FOXP4: variants seen among roughly 807,000 people sequenced by gnomAD.
FOXP4 encodes forkhead box P4, also known as forkhead box protein P4.
A neutral mutation model predicts 82.6 loss-of-function variants in FOXP4; 25 were observed. The ratio of observed to expected loss-of-function variants is 0.30; its 90% confidence interval spans 0.22 to 0.42. FOXP4 has a LOEUF of 0.42. FOXP4 is among the 10% of genes least tolerant of loss of function. The pLI, the probability that FOXP4 is intolerant of heterozygous loss-of-function variation, is 1.00. For synonymous variants in FOXP4, 415 were observed against 388.2 expected (o/e 1.07, Z -0.81); for missense variants, 785 against 900.9 (o/e 0.87, Z 1.65).
At chr6:41,547,567 A>G (rs1763718997) in intron 1 of FOXP4, 1 of 152,408 alleles carries the variant, frequency 6.6e-6, no homozygotes. Context: ...GCTCGGGGAT[A>G]GAGCGGAAAA....
intron 2 of FOXP4, among the ~76,000 whole-genome samples, chr6:41,571,814 A>G (rs1765216345): frequency 6.6e-6 from 1 of 151,830 alleles, no homozygotes; most frequent in Non-Finnish European, 1.5e-5. Context: ...GCTGGTCAAG[A>G]ACTTTCCTCC....
At chr6:41,589,609 C>G (rs73733286) in intron 9 of FOXP4, among the ~76,000 whole-genome samples, 162 bp from the exon 10 acceptor site, 3,051 of 152,234 alleles carry the variant, frequency 0.02, 106 homozygotes, top group African/African-American at 0.07. Context: ...TTGCTGAGGC[C>G]TCCCTGGAGC....
chr6:41,588,624 C>CT lies in FOXP4; in HGVS notation c.978-19dup. On this transcript the variant is annotated intron_variant, in intron 8 of 16. Coordinates refer to ENST00000307972, the MANE Select transcript of FOXP4 (RefSeq NM_001012426.2). ...GGGAAACCGGAGCCAACTTTCTCTC[C>CT]TCCTCTCTTCCCCTTGAAGACACCT... The CT allele has an allele frequency of 6.2e-7, 1 of 1,613,578 alleles. No homozygotes were observed. The highest frequency in any genetic ancestry group is 8.5e-7 in the Non-Finnish European group (1 of 1,179,562).
Position 41,587,500 on chromosome 6 carries a change from C to G in FOXP4, c.860C>G (p.Ser287Cys). 6.6e-7 allele frequency: 1 copy of G among 1,521,450 alleles called. No homozygotes were observed. Among genetic ancestry groups the G allele is most frequent in the Non-Finnish European group, 8.8e-7 (1 of 1,134,442 alleles). 94.2% of individuals were successfully genotyped at this position (1,521,450 alleles called of 1,614,324 possible). Residue 287 changes from serine to cysteine, a missense_variant, in exon 7 of 17, where the codon TCT becomes TGT. Physicochemically the swap from Ser to Cys is moderately radical, Grantham distance 112. Transcript: ENST00000307972. ...AACGGACAGCCTACTGTGCTCACAT[C>G]TCGGAGAGACAGGTACAGGGGTCCA... ...LPNGQPTVLT[S>C]RRDSSSHEET...
chr6:41,560,857 G>T (rs374280860), intron 1 of FOXP4, among the ~76,000 whole-genome samples: 222 of 152,356 alleles, frequency 1.5e-3, no homozygotes, highest in African/African-American at 5.0e-3. Flanking sequence ...CGCCATATGG[G>T]CCCGTGAAAA....
chr6:41,588,829 A>C, intron 9 of FOXP4, 98 bp downstream of exon 9: 49 of 1,333,868 alleles, frequency 3.7e-5, no homozygotes, highest in Non-Finnish European at 4.4e-5. Flanking sequence ...GGAGGGTCTC[A>C]TGGAAGGGTC....
In FOXP4 at chr6:41,569,989, A is replaced by G. The variant is rs527592600; in HGVS notation, c.204+4025A>G. 3.6e-3 allele frequency among the ~76,000 whole-genome samples: 550 copies of G among 151,860 alleles called. 2 individuals carry two copies. The highest frequency in any genetic ancestry group is 5.6e-3 in the Non-Finnish European group (381 of 67,944). The stretch of plus-strand genomic sequence containing the variant: ...GATTTTTCTTTCCTTTTCCTCCCCC[A>G]TCTGGGCCTCCTCTGCCCAAGCTAC... On this transcript the variant is annotated intron_variant, in intron 2 of 16. Transcript: ENST00000307972.
rs1475123953 is a variant in FOXP4 at position 41,562,868 on chromosome 6, G to A, written c.-16-2877G>A. ...GAGGCCCAGGCCCAAGTGGGGGAAG[G>A]TGCTGCTGGCTGGGTGGTTTCAGGG... On this transcript the variant is annotated intron_variant, in intron 1 of 16. Coordinates refer to ENST00000307972, the MANE Select transcript of FOXP4 (RefSeq NM_001012426.2). Among the ~76,000 whole-genome samples the A allele has an allele frequency of 7.9e-5, 12 of 152,350 alleles. No individual in the cohort carries two copies. In the East Asian group the frequency reaches 1.9e-3, roughly 25 times the overall value.
At chr6:41,576,673 T>G (rs1375627917) in intron 2 of FOXP4, among the ~76,000 whole-genome samples, 1 of 152,162 alleles carries the variant, frequency 6.6e-6, no homozygotes, top group Non-Finnish European at 1.5e-5. Context: ...GAGTGAATAC[T>G]TCCCGAATGC....
chr6:41,554,376 G>C (rs1178338871), intron 1 of FOXP4, among the ~76,000 whole-genome samples: 2 of 152,332 alleles, frequency 1.3e-5, no homozygotes, highest in African/African-American at 4.8e-5. Context: ...TCAACACTGA[G>C]CCTGCATTTC....
rs555990982 is a variant in FOXP4 at position 41,590,186 on chromosome 6, G to A, written c.1357+16G>A. The stretch of plus-strand genomic sequence containing the variant: ...ATCTCCTCAGGTGAGGGTGGGCTGG[G>A]GGCTGCAGGGCGACAGCAGCGTGAG... On this transcript the variant is annotated intron_variant, in intron 11 of 16. Coordinates refer to ENST00000307972, the MANE Select transcript of FOXP4 (RefSeq NM_001012426.2). 7 of 1,604,966 alleles carry A rather than the reference G, an allele frequency of 4.4e-6. No homozygotes were observed. The South Asian group carries it at 7.8e-5, about 18-fold the overall frequency.
At position 41,601,752 on chromosome 6, in the gene FOXP4, A is replaced by C. The variant is rs552261205; in HGVS notation, c.*2816A>C. 6.6e-6 allele frequency: 1 copy of C among 152,566 alleles called. No individual in the cohort carries two copies. Among genetic ancestry groups the C allele is most frequent in the African/African-American group, 2.4e-5 (1 of 41,592 alleles). 9.5% of individuals were successfully genotyped at this position (152,566 alleles called of 1,614,324 possible). On this transcript the variant is annotated 3_prime_UTR_variant, in exon 17 of 17. Transcript: ENST00000307972. ...CAGCCTCCCAAAGTGCTGGGATTAC[A>C]GGCGTGAGCCACTGCACCCGGCTCT...
At chr6:41,555,010 G>A (rs1455651645) in intron 1 of FOXP4, among the ~76,000 whole-genome samples, 1 of 152,170 alleles carries the variant, frequency 6.6e-6, no homozygotes, top group African/African-American at 2.4e-5. Context: ...CCCAGCACTT[G>A]GGAGGCCAAA....
intron 2 of FOXP4, among the ~76,000 whole-genome samples, chr6:41,567,853 A>T (rs948288044): frequency 2.6e-5 from 4 of 152,164 alleles, no homozygotes; most frequent in Non-Finnish European, 5.9e-5. Context: ...GGAAAATCCT[A>T]TATCTGTTTC....
chr6:41,590,042 A>AC lies in FOXP4; in HGVS notation c.1235dup (p.Thr413AspfsTer32), dbSNP rs749833966. On this transcript the variant is annotated frameshift_variant, in exon 11 of 17. Transcript: ENST00000307972. LOFTEE classifies it high-confidence loss of function. ...GACTCATTCCCAGATGGTCTCGTGCACCCCCCGACCTCGGCCGCAGCCCCT... is the reference window on the plus strand; with the variant it reads ...GACTCATTCCCAGATGGTCTCGTGCACCCCCCCGACCTCGGCCGCAGCCCCT... The AC allele has an allele frequency of 1.2e-6, 2 of 1,613,308 alleles. No homozygotes were observed.
chr6:41,559,977 T>C (rs770022014), intron 1 of FOXP4, among the ~76,000 whole-genome samples: 2 of 152,234 alleles, frequency 1.3e-5, no homozygotes, highest in Non-Finnish European at 2.9e-5. Context: ...TCCGTCATTC[T>C]CATCTTCTAC....
chr6:41,560,102 A>T (rs1476976705), intron 1 of FOXP4, among the ~76,000 whole-genome samples: 2 of 152,176 alleles, frequency 1.3e-5, no homozygotes, highest in Admixed American at 6.6e-5. Context: ...TCTCCCCATT[A>T]TACAGAGAAG....
chr6:41,578,188 C>G (rs1055732541), intron 3 of FOXP4, 107 bp downstream of exon 3: 7 of 920,056 alleles, frequency 7.6e-6, no homozygotes, highest in Non-Finnish European at 1.1e-5. Context: ...GTTCCAACAC[C>G]AAAAAGTGGG....
chr6:41,589,622 G>A, intron 9 of FOXP4, 149 bp from the exon 10 acceptor site: 1 of 749,814 alleles, frequency 1.3e-6, no homozygotes, highest in Non-Finnish European at 2.2e-6. Context: ...CCTGGAGCGG[G>A]TCACAGAGGG....
Sources: gnomAD v4.1 joint callset for allele counts (sites outside exome capture counted in the v4.1 genomes callset) on GRCh38, gnomAD v4.1.1 for gene constraint, MANE v1.5 for transcripts, NCBI Gene and HGNC (gene_info 2026-07-23, HGNC 2026-07-21) for gene names.